The following MAPK10 variants were observed in gnomAD, a reference collection of about 807,000 sequenced individuals.
MAPK10 encodes mitogen-activated protein kinase 10.
MAPK10 carries 25 observed loss-of-function variants against 59.3 expected under a neutral mutation model. That is an observed-to-expected ratio of 0.42 (90% confidence interval 0.31 to 0.59). The LOEUF is 0.59. Ranked by LOEUF, MAPK10 falls within the 20% of genes least tolerant of loss-of-function variation. The pLI is 0.15. For synonymous variants in MAPK10, 190 were observed against 200.5 expected (o/e 0.95, Z 0.44); for missense variants, 351 against 568.9 (o/e 0.62, Z 3.90).
chr4:86,495,412 T>A (rs960365474), intron 1 of MAPK10, among the ~76,000 whole-genome samples: 1 of 152,190 alleles, frequency 6.6e-6, no homozygotes, highest in Admixed American at 6.5e-5. Context: ...TTGAGACTAT[T>A]TTGAAGGAAA....
chr4:86,103,253 G>A lies in MAPK10; in HGVS notation c.367-9C>T, dbSNP rs780275982. The A allele has an allele frequency of 1.5e-6, 2 of 1,357,832 alleles. No individual in the cohort carries two copies. The highest frequency in any genetic ancestry group is 1.2e-5 in the South Asian group (1 of 85,524). 84.1% of individuals were successfully genotyped at this position (1,357,832 alleles called of 1,614,324 possible). On this transcript the variant is annotated splice_polypyrimidine_tract_variant and intron_variant, in intron 5 of 13. Coordinates refer to ENST00000641462, the MANE Select transcript of MAPK10 (RefSeq NM_138982.4). ...TTTAATAAACTAATAATCTGAAAGA[G>A]AGTGGAAGGGACAGAGGAAACGAGA...
intron 1 of MAPK10, among the ~76,000 whole-genome samples, chr4:86,563,605 T>C (rs995604030): frequency 1.3e-5 from 2 of 152,208 alleles, no homozygotes; most frequent in Non-Finnish European, 2.9e-5. Flanking sequence ...GGGAGATACA[T>C]TCCAAGACCT....
At chr4:86,567,647 T>C (rs1000286342) in intron 1 of MAPK10, among the ~76,000 whole-genome samples, 4 of 152,240 alleles carry the variant, frequency 2.6e-5, no homozygotes, top group Admixed American at 6.5e-5. Context: ...AAAACTGTAC[T>C]TGTACCCCTT....
At chr4:86,302,689 T>C (rs1170204696) in intron 2 of MAPK10, among the ~76,000 whole-genome samples, 1 of 152,196 alleles carries the variant, frequency 6.6e-6, no homozygotes, top group Non-Finnish European at 1.5e-5. Context: ...CAAAAACATC[T>C]GAGTCTTAAG....
At position 86,017,164 on chromosome 4, in the gene MAPK10, C is replaced by T. The variant is rs991053472; in HGVS notation, c.*64G>A. On this transcript the variant is annotated 3_prime_UTR_variant, in exon 14 of 14. Transcript: ENST00000641462. The surrounding 1 kb of genome is among the most constrained non-coding windows in gnomAD (Gnocchi z 4.4). ...GCATTTGTGTGTGTGTGTGTGTCTG[C>T]GTGTGTGTGTGTTCCATCACATCAT... 2.2e-5 allele frequency: 33 copies of T among 1,486,846 alleles called. No homozygotes were observed. Among genetic ancestry groups the T allele is most frequent in the Admixed American group, 1.6e-4 (9 of 57,562 alleles). The allele number at this position is 1,486,846 out of a possible 1,614,324, so 92.1% of individuals were successfully genotyped here.
intron 11 of MAPK10, among the ~76,000 whole-genome samples, chr4:86,059,536 C>T (rs1026270789): frequency 6.6e-6 from 1 of 152,146 alleles, no homozygotes; most frequent in African/African-American, 2.4e-5. Flanking sequence ...CCAGGTTATA[C>T]TCTCCCTGGG....
intron 1 of MAPK10, among the ~76,000 whole-genome samples, chr4:86,587,934 T>C (rs1762749681): frequency 6.6e-6 from 1 of 152,208 alleles, no homozygotes; most frequent in Admixed American, 6.5e-5. Flanking sequence ...GTAGATTCAC[T>C]TGAGCCCAGG....
chr4:86,166,146 T>C (rs1008041744), intron 3 of MAPK10, among the ~76,000 whole-genome samples: 2 of 152,212 alleles, frequency 1.3e-5, no homozygotes, highest in African/African-American at 4.8e-5. Context: ...GGCAATGTGC[T>C]AGATGTCTAA....
intron 1 of MAPK10, among the ~76,000 whole-genome samples, chr4:86,519,321 G>C (rs1008023818): frequency 3.3e-5 from 5 of 152,094 alleles, no homozygotes; most frequent in African/African-American, 1.2e-4. Context: ...ATATATTAAG[G>C]AATGTGATAT....
At chr4:86,356,606 T>C (rs1734620098) in intron 1 of MAPK10, 1 of 207,200 alleles carries the variant, frequency 4.8e-6, no homozygotes, top group Non-Finnish European at 8.4e-6. Flanking sequence ...GAGGATAAAA[T>C]GTACTCAAAC....
rs74874164 is a variant in MAPK10 at position 86,589,983 on chromosome 4, TA to T, written c.-263+3926del. ...TGGGCTACAGAGCAAGACTCCATCT[TA>T]AAAAAAAAAAAAAAAGGGAATAGCA... On this transcript the variant is annotated intron_variant, in intron 1 of 4. Coordinates refer to the MAPK10 transcript ENST00000502302. Among the ~76,000 whole-genome samples, 747 of 129,632 alleles carry T rather than the reference TA, an allele frequency of 5.8e-3. 3 individuals are homozygous for T. The highest frequency in any genetic ancestry group is 0.013 in the African/African-American group (431 of 34,338). The allele number at this position is 129,632 out of a possible 152,430, so 85.0% of individuals were successfully genotyped here.
chr4:86,525,081 T>G (rs1310767132), intron 1 of MAPK10, among the ~76,000 whole-genome samples: 1 of 152,074 alleles, frequency 6.6e-6, no homozygotes, highest in Non-Finnish European at 1.5e-5. Flanking sequence ...GCAGATCGCT[T>G]GAGCTCGAGT....
At chr4:86,165,543 ATTTTTTTTTTTTTT>A (rs10525325) in intron 3 of MAPK10, among the ~76,000 whole-genome samples, 20 of 57,298 alleles carry the variant, frequency 3.5e-4, no homozygotes, top group East Asian at 1.1e-3. Context: ...CTCCCAGATA[ATTTTTTTTTTTTTT>A]TTTTTTTTTT....
At chr4:86,466,758 G>A (rs1386575148) in intron 1 of MAPK10, among the ~76,000 whole-genome samples, 1 of 152,176 alleles carries the variant, frequency 6.6e-6, no homozygotes, top group African/African-American at 2.4e-5. Flanking sequence ...AAGAGGGTTT[G>A]GGACACCTAG....
chr4:86,016,419 A>T lies in MAPK10; in HGVS notation c.*809T>A, dbSNP rs192987418. On this transcript the variant is annotated 3_prime_UTR_variant, in exon 14 of 14. Coordinates refer to ENST00000641462, the MANE Select transcript of MAPK10 (RefSeq NM_138982.4). The stretch of plus-strand genomic sequence containing the variant: ...GAAGGCCAAACCATTTTGTGCCTGA[A>T]AACTGTTACCCACTCGCCCCACACT... 172 of 152,746 alleles carry T rather than the reference A, an allele frequency of 1.1e-3. No homozygotes were observed. Among genetic ancestry groups the T allele is most frequent in the African/African-American group, 3.9e-3 (164 of 41,552 alleles). The allele number at this position is 152,746 out of a possible 1,614,324, so 9.5% of individuals were successfully genotyped here. A position where few individuals can be genotyped will look rare whatever the true frequency, so the allele number is the denominator to read the frequency against.
intron 2 of MAPK10, among the ~76,000 whole-genome samples, chr4:86,321,496 AAC>A (rs1236579380): frequency 6.6e-6 from 1 of 150,844 alleles, no homozygotes; most frequent in African/African-American, 2.4e-5. Flanking sequence ...CAAAAAAACA[AAC>A]ACCGCATATT....
chr4:86,372,705 T>C (rs1243904090), intron 1 of MAPK10, among the ~76,000 whole-genome samples: 1 of 152,114 alleles, frequency 6.6e-6, no homozygotes, highest in Non-Finnish European at 1.5e-5. Context: ...ATAAGTTCTT[T>C]GAAACCAATG....
chr4:86,183,000 G>A (rs138799666), intron 3 of MAPK10, among the ~76,000 whole-genome samples: 2 of 152,036 alleles, frequency 1.3e-5, no homozygotes, highest in African/African-American at 4.8e-5. Context: ...GAAAAATAAC[G>A]ACACCCTACA....
intron 1 of MAPK10, among the ~76,000 whole-genome samples, chr4:86,424,440 T>G (rs1165786179): frequency 6.6e-6 from 1 of 152,126 alleles, no homozygotes; most frequent in Non-Finnish European, 1.5e-5. Flanking sequence ...TCTGCTCCCC[T>G]CGCCTCCCAA....
Sources: gnomAD v4.1 joint callset for allele counts (sites outside exome capture counted in the v4.1 genomes callset) on GRCh38, gnomAD v4.1.1 for gene constraint, Gnocchi (gnomAD v3.1) non-coding constraint, MANE v1.5 for transcripts, NCBI Gene and HGNC (gene_info 2026-07-23, HGNC 2026-07-21) for gene names.